The following LATS2 variants were observed in gnomAD, a reference collection of about 807,000 sequenced individuals.
The protein encoded by LATS2 is serine/threonine-protein kinase LATS2.
A neutral mutation model predicts 76.0 loss-of-function variants in LATS2; 24 were observed. That is an observed-to-expected ratio of 0.32 (90% confidence interval 0.23 to 0.44). The LOEUF is 0.44. Ranked by LOEUF, LATS2 falls within the 20% of genes least tolerant of loss-of-function variation. The pLI, the probability that LATS2 is intolerant of heterozygous loss-of-function variation, is 1.00. For synonymous variants in LATS2, 692 were observed against 635.4 expected (o/e 1.09, Z -1.34); for missense variants, 1,286 against 1,481.2 (o/e 0.87, Z 2.16).
chr13:21,028,897 G>A (rs11841098), intron 2 of LATS2, among the ~76,000 whole-genome samples: 3,909 of 152,168 alleles, frequency 0.026, 200 homozygotes, highest in African/African-American at 0.089. Context: ...TTCATTGCTA[G>A]TTCACAAAAA....
intron 2 of LATS2, among the ~76,000 whole-genome samples, chr13:20,995,509 G>A (rs1316380236): frequency 6.6e-6 from 1 of 152,206 alleles, no homozygotes; most frequent in Non-Finnish European, 1.5e-5. Context: ...TGTCTAGCGT[G>A]TAGAAAGAGA....
chr13:20,988,466 C>G lies in LATS2; in HGVS notation c.1314G>C (p.Ala438=). The change falls in exon 4 of 8, where the codon GCG becomes GCC. Residue 438 remains alanine (A), a synonymous_variant. Transcript: ENST00000382592. ...CGCTCTTCACCGGGTGCAAGATGTG[C>G]GCGGCCGTGACAGCCGTCACGGTGT... The part of the protein sequence containing the change: ...APNTVTAVTA[A]HILHPVKSVR... 3 of 1,533,508 alleles carry G rather than the reference C, an allele frequency of 2.0e-6. No homozygotes were observed. Among genetic ancestry groups the G allele is most frequent in the Non-Finnish European group, 2.6e-6 (3 of 1,146,796 alleles). The allele number at this position is 1,533,508 out of a possible 1,614,324, so 95.0% of individuals were successfully genotyped here.
chr13:21,027,053 C>T (rs1351995973), intron 2 of LATS2, among the ~76,000 whole-genome samples: 1 of 152,114 alleles, frequency 6.6e-6, no homozygotes, highest in Admixed American at 6.6e-5. Flanking sequence ...ATCTTTTGCC[C>T]ATTTTTAAAG....
At chr13:20,994,589 T>C (rs1299979693) in intron 2 of LATS2, among the ~76,000 whole-genome samples, 3 of 152,200 alleles carry the variant, frequency 2.0e-5, no homozygotes, top group Non-Finnish European at 2.9e-5. Context: ...CTCACCTTCC[T>C]TTCTTAAGCA....
At chr13:20,985,342 G>A (rs1870094475) in intron 4 of LATS2, among the ~76,000 whole-genome samples, 1 of 152,142 alleles carries the variant, frequency 6.6e-6, no homozygotes, top group Admixed American at 6.6e-5. Flanking sequence ...TGTTGAACAG[G>A]AGAAAATATT....
At chr13:20,986,987 G>A (rs1243372134) in intron 4 of LATS2, among the ~76,000 whole-genome samples, 1 of 152,170 alleles carries the variant, frequency 6.6e-6, no homozygotes, top group Non-Finnish European at 1.5e-5. Context: ...GAGGTCAAGA[G>A]TTCGAGACCA....
Position 20,991,559 on chromosome 13 carries a change from G to A in LATS2, c.343-155C>T, listed in dbSNP as rs926077922. ...GCTGCAGGAGACCCTCAGAATGAGT[G>A]CAGGTGGCTGTGTGCCCTGCAGGTA... On this transcript the variant is annotated intron_variant, in intron 2 of 7. Transcript: ENST00000382592. This position sits in a 1 kb window ranked among gnomAD's most constrained non-coding sequence, Gnocchi z 4.9. Among the ~76,000 whole-genome samples the A allele has an allele frequency of 1.3e-5, 2 of 152,220 alleles. No homozygotes were observed. The highest frequency in any genetic ancestry group is 2.4e-5 in the African/African-American group (1 of 41,452).
At chr13:21,055,444 A>C (rs181479659) in intron 1 of LATS2, among the ~76,000 whole-genome samples, 1 of 152,222 alleles carries the variant, frequency 6.6e-6, no homozygotes, top group African/African-American at 2.4e-5. Flanking sequence ...ACAAAACAAA[A>C]ACACCTCATT....
chr13:20,983,304 A>G lies in LATS2; in HGVS notation c.2402T>C (p.Leu801Pro). 6.2e-7 allele frequency: 1 copy of G among 1,614,080 alleles called. No individual in the cohort carries two copies. Among genetic ancestry groups the G allele is most frequent in the South Asian group, 1.1e-5 (1 of 91,080 alleles). The change falls in exon 5 of 8, where the codon CTG becomes CCG. Residue 801 changes from leucine (L) to proline (P), a missense_variant. Transcript: ENST00000382592. The part of the protein sequence containing the change: ...DIKPDNILID[L>P]DGHIKLTDFG... ...ATCTGTGAGTTTAATGTGACCATCC[A>G]GATCTATCAAAATGTTATCAGGCTT...
intron 2 of LATS2, among the ~76,000 whole-genome samples, chr13:21,019,252 A>T (rs1871935747): frequency 6.6e-6 from 1 of 151,960 alleles, no homozygotes; most frequent in Admixed American, 6.6e-5. Flanking sequence ...AGGTTTTAAA[A>T]AATGAACTGT....
intron 2 of LATS2, among the ~76,000 whole-genome samples, chr13:21,012,785 A>AC (rs34789164): frequency 0.011 from 1,637 of 145,536 alleles, 21 homozygotes; most frequent in African/African-American, 0.029. Flanking sequence ...GGTGAATCAC[A>AC]CCCCCCCCCC....
At chr13:20,981,965 CA>C (rs1869909595) in intron 5 of LATS2, among the ~76,000 whole-genome samples, 1 of 152,200 alleles carries the variant, frequency 6.6e-6, no homozygotes, top group South Asian at 2.1e-4. Context: ...GCGGGGACAG[CA>C]CTCCTAGCGC....
At chr13:20,986,281 A>G (rs1360262383) in intron 4 of LATS2, among the ~76,000 whole-genome samples, 1 of 152,238 alleles carries the variant, frequency 6.6e-6, no homozygotes, top group African/African-American at 2.4e-5. Context: ...ATTTATCTAA[A>G]GGAAAGGAAA....
In LATS2 at chr13:20,991,516, G is replaced by T; in HGVS notation, c.343-112C>A. The T allele has an allele frequency of 8.2e-7, 1 of 1,216,698 alleles. No individual in the cohort carries two copies. The highest frequency in any genetic ancestry group is 1.2e-6 in the Non-Finnish European group (1 of 858,212). The allele number at this position is 1,216,698 out of a possible 1,614,324, so 75.4% of individuals were successfully genotyped here. On this transcript the variant is annotated intron_variant, in intron 2 of 7. Transcript: ENST00000382592. The surrounding 1 kb of genome is among the most constrained non-coding windows in gnomAD (Gnocchi z 4.9). ...TGCTGGGACACTTCGCCTCTGTACT[G>T]CTGAGAACCTGCGATATGCTGCAGG...
Position 21,054,486 on chromosome 13 carries a change from T to C in LATS2, c.-205+6860A>G, listed in dbSNP as rs184130300. ...CTGGACCTAGGGACTGGGTAGGATA[T>C]AGCAGGGCAAAGTCTCCACGTGAAG... On this transcript the variant is annotated intron_variant, in intron 1 of 7. Transcript: ENST00000382592. Among the ~76,000 whole-genome samples the C allele has an allele frequency of 1.1e-3, 172 of 152,236 alleles. 2 individuals carry two copies. Among genetic ancestry groups the C allele is most frequent in the Non-Finnish European group, 2.0e-3 (136 of 67,994 alleles).
rs540323864 is a variant in LATS2 at position 21,025,410 on chromosome 13, A to C, written c.342+20275T>G. On this transcript the variant is annotated intron_variant, in intron 2 of 7. Coordinates refer to ENST00000382592, the MANE Select transcript of LATS2 (RefSeq NM_014572.3). ...TCCGTCTCCAAAAAAAAAAAAAAAAAAAAATTATGGTCATGAGTGAGGAAG... is the reference window on the plus strand; with the variant it reads ...TCCGTCTCCAAAAAAAAAAAAAAAACAAAATTATGGTCATGAGTGAGGAAG... 1.3e-3 allele frequency among the ~76,000 whole-genome samples: 198 copies of C among 149,406 alleles called. 3 individuals carry two copies. The highest frequency in any genetic ancestry group is 4.5e-3 in the African/African-American group (179 of 39,826).
At chr13:21,030,605 A>G (rs1354420282) in intron 2 of LATS2, among the ~76,000 whole-genome samples, 4 of 71,088 alleles carry the variant, frequency 5.6e-5, no homozygotes, top group African/African-American at 1.9e-4. Context: ...AAAAAAAAAA[A>G]AAAAAAGAAA....
intron 2 of LATS2, among the ~76,000 whole-genome samples, chr13:21,029,082 TTTC>T: frequency 6.6e-6 from 1 of 152,344 alleles, no homozygotes; most frequent in East Asian, 1.9e-4. Context: ...TTATTTCTTT[TTTC>T]TTTCCTTACT....
chr13:20,988,791 A>C lies in LATS2; in HGVS notation c.989T>G (p.Val330Gly). 1.9e-6 allele frequency: 3 copies of C among 1,594,068 alleles called. No individual in the cohort carries two copies. The highest frequency in any genetic ancestry group is 2.6e-6 in the Non-Finnish European group (3 of 1,176,264). Residue 330 changes from valine (V) to glycine (G), a missense_variant, in exon 4 of 8, where the codon GTG (valine) becomes GGG (glycine). Physicochemically the swap from Val to Gly is moderately radical, Grantham distance 109 (BLOSUM62 -3). Transcript: ENST00000382592. The stretch of plus-strand genomic sequence containing the variant: ...GAACACCTGGCTGCGGGAGCCCAGC[A>C]CATGCAGCTGGTGGGCCGCGGGACC... ...QAGPAAHQLH[V>G]LGSRSQVFAS... is the part of the protein sequence containing the mutation.
Sources: gnomAD v4.1 joint callset for allele counts (sites outside exome capture counted in the v4.1 genomes callset) on GRCh38, gnomAD v4.1.1 for gene constraint, Gnocchi (gnomAD v3.1) non-coding constraint, MANE v1.5 for transcripts, NCBI Gene and HGNC (gene_info 2026-07-23, HGNC 2026-07-21) for gene names.